CACNA1C: variants seen among roughly 807,000 people sequenced by gnomAD.
CACNA1C encodes the protein voltage-dependent L-type calcium channel subunit alpha-1C.
In CACNA1C, 30 loss-of-function variants were observed where a neutral mutation model predicts 229.0. That is an observed-to-expected ratio of 0.13 (90% CI 0.10 to 0.18). The LOEUF (loss-of-function observed/expected upper bound fraction) is 0.18. Among genes scored for constraint, CACNA1C ranks in the 10% least tolerant of loss-of-function variants. CACNA1C has a pLI of 1.00. For missense variants in CACNA1C, 1,658 were observed against 2,845.0 expected (o/e 0.58, Z 9.49); for synonymous variants, 1,114 against 1,132.5 (o/e 0.98, Z 0.33).
intron 1 of CACNA1C, among the ~76,000 whole-genome samples, chr12:2,078,370 A>G (rs188420771): frequency 7.9e-5 from 12 of 152,338 alleles, no homozygotes; most frequent in Non-Finnish European, 1.3e-4. Flanking sequence ...GAGCTGATTA[A>G]GATACATACA....
intron 3 of CACNA1C, among the ~76,000 whole-genome samples, chr12:2,310,406 C>T (rs2095371138): frequency 6.7e-6 from 1 of 150,318 alleles, no homozygotes; most frequent in Non-Finnish European, 1.5e-5. Flanking sequence ...TGTGTATCAC[C>T]AACATATCTA....
intron 3 of CACNA1C, among the ~76,000 whole-genome samples, chr12:2,414,192 G>A (rs865837959): frequency 6.6e-6 from 1 of 152,192 alleles, no homozygotes; most frequent in African/African-American, 2.4e-5. Flanking sequence ...TGTTCCAAGT[G>A]TCACTTGATT....
intron 38 of CACNA1C, among the ~76,000 whole-genome samples, chr12:2,671,924 G>A (rs951883793): frequency 2.0e-5 from 3 of 149,300 alleles, no homozygotes; most frequent in African/African-American, 7.5e-5. Flanking sequence ...AAATCGAAAC[G>A]CCCCCACCCA....
upstream of CACNA1C, among the ~76,000 whole-genome samples, chr12:2,051,801 G>A (rs1032937866): frequency 6.6e-6 from 1 of 152,238 alleles, no homozygotes; most frequent in Non-Finnish European, 1.5e-5. Flanking sequence ...CCAGTGTTTG[G>A]ATGTATTAGG....
At chr12:2,299,475 C>T (rs1408890626) in intron 3 of CACNA1C, among the ~76,000 whole-genome samples, 1 of 152,038 alleles carries the variant, frequency 6.6e-6, no homozygotes, top group African/African-American at 2.4e-5. Flanking sequence ...TCATCGGATG[C>T]TTGGCATGGC....
chr12:2,073,827 A>C (rs904241024), intron 1 of CACNA1C, among the ~76,000 whole-genome samples: 4 of 152,180 alleles, frequency 2.6e-5, no homozygotes, highest in African/African-American at 9.7e-5. Flanking sequence ...CTTCCAGTTA[A>C]ATCCGGCAAA....
At chr12:2,272,802 C>G (rs1448630788) in intron 3 of CACNA1C, among the ~76,000 whole-genome samples, 4 of 152,194 alleles carry the variant, frequency 2.6e-5, no homozygotes, top group African/African-American at 9.7e-5. Context: ...ATGACTAGTG[C>G]TACGTTACAT....
intron 37 of CACNA1C, chr12:2,668,459 G>T (rs1189025983): frequency 6.3e-6 from 1 of 157,520 alleles, no homozygotes; most frequent in Non-Finnish European, 1.4e-5. Context: ...CTGTGTATTA[G>T]GCCATCCTTG....
At chr12:2,501,601 T>A (rs2099760480) in intron 7 of CACNA1C, among the ~76,000 whole-genome samples, 1 of 152,264 alleles carries the variant, frequency 6.6e-6, no homozygotes. Context: ...CCAGCACGGC[T>A]GTCAGTGTGG....
intron 1 of CACNA1C, chr12:1,993,450 T>C: frequency 6.3e-7 from 1 of 1,576,964 alleles, no homozygotes. Flanking sequence ...TATGCTATAT[T>C]TTCAGTATAA....
intron 3 of CACNA1C, among the ~76,000 whole-genome samples, chr12:2,235,706 C>T (rs1258387955): frequency 1.3e-5 from 2 of 152,098 alleles, no homozygotes; most frequent in South Asian, 2.1e-4. Flanking sequence ...AAAGCAGGGC[C>T]GTGTCTGATG....
chr12:2,110,146 T>C (rs2081083401), intron 1 of CACNA1C, among the ~76,000 whole-genome samples: 2 of 152,124 alleles, frequency 1.3e-5, no homozygotes, highest in Non-Finnish European at 2.9e-5. Context: ...TGCCACTGAC[T>C]CCTAACTTGG....
chr12:2,687,184 C>T (rs1375154926), intron 45 of CACNA1C, among the ~76,000 whole-genome samples: 7 of 152,178 alleles, frequency 4.6e-5, no homozygotes, highest in Admixed American at 4.6e-4. Context: ...TTCCCAGGGA[C>T]CCAGGAGCCC....
Position 2,377,488 on chromosome 12 carries a change from G to A in CACNA1C, c.478-71488G>A, listed in dbSNP as rs77558433. Reference sequence around the variant, plus strand: ...TACAGCGGCTATCACAGGTGTGCTGGGCCCCTGACGTCGAGGGATTTAGGG... The same window carrying A: ...TACAGCGGCTATCACAGGTGTGCTGAGCCCCTGACGTCGAGGGATTTAGGG... On this transcript the variant is annotated intron_variant, in intron 3 of 46. Transcript: ENST00000399655. Among the ~76,000 whole-genome samples, 16 of 152,268 alleles carry A rather than the reference G, an allele frequency of 1.1e-4. No individual in the cohort carries two copies. The East Asian group carries it at 2.7e-3, about 26-fold the overall frequency.
intron 3 of CACNA1C, among the ~76,000 whole-genome samples, chr12:2,229,853 A>C (rs1349030040): frequency 6.6e-6 from 1 of 152,156 alleles, no homozygotes; most frequent in Admixed American, 6.5e-5. Context: ...AGGGCGTTGC[A>C]GGCCACGGTG....
chr12:2,593,420 G>A, intron 19 of CACNA1C, 75 bp downstream of exon 19: 1 of 1,512,076 alleles, frequency 6.6e-7, no homozygotes, highest in East Asian at 2.3e-5. Flanking sequence ...TATTTTACCT[G>A]AACCTCTGGA....
intron 4 of CACNA1C, among the ~76,000 whole-genome samples, chr12:2,450,368 C>G (rs567908579): frequency 6.6e-6 from 1 of 151,552 alleles, no homozygotes; most frequent in Non-Finnish European, 1.5e-5. Context: ...TCCTGGCTAA[C>G]ACGGTGAAAC....
intron 3 of CACNA1C, among the ~76,000 whole-genome samples, chr12:2,364,688 C>T (rs1050324757): frequency 1.3e-5 from 2 of 152,116 alleles, no homozygotes; most frequent in Non-Finnish European, 1.5e-5. Context: ...GGCTCACTTC[C>T]GAGAAAGAGG....
chr12:2,452,521 C>A (rs1363265683), intron 4 of CACNA1C, among the ~76,000 whole-genome samples: 6 of 152,208 alleles, frequency 3.9e-5, no homozygotes, highest in African/African-American at 1.4e-4. Flanking sequence ...TACAGATCTG[C>A]CAGACACAGC....
Sources: allele counts gnomAD v4.1 joint callset (sites outside exome capture counted in the v4.1 genomes callset), GRCh38; gene constraint gnomAD v4.1.1; transcripts MANE v1.5; gene names NCBI Gene and HGNC (gene_info 2026-07-23, HGNC 2026-07-21).